The following MYO16 variants were observed in gnomAD, a reference collection of about 807,000 sequenced individuals.
MYO16 encodes myosin XVI, also known as unconventional myosin-XVI.
Under a neutral mutation model 205.3 loss-of-function variants are expected in MYO16, and 94 were observed. That is an observed-to-expected ratio of 0.46 (90% CI 0.39 to 0.54). The LOEUF (loss-of-function observed/expected upper bound fraction) is 0.54, where lower values mean the gene tolerates loss of function less well. MYO16 is among the 20% of genes least tolerant of loss of function. The pLI is 0.00. For missense variants in MYO16, 2,315 were observed against 2,387.5 expected (o/e 0.97, Z 0.63); for synonymous variants, 988 against 954.0 (o/e 1.04, Z -0.66).
intron 27 of MYO16, among the ~76,000 whole-genome samples, chr13:109,071,972 AT>A (rs1887937877): frequency 6.6e-6 from 1 of 152,204 alleles, no homozygotes; most frequent in South Asian, 2.1e-4. Context: ...TGAATTTCAT[AT>A]TTTATAGTTG....
intron 15 of MYO16, 34 bp downstream of exon 15, chr13:108,898,167 T>C (rs1324951707): frequency 1.3e-6 from 2 of 1,536,634 alleles, no homozygotes; most frequent in African/African-American, 2.7e-5. Flanking sequence ...GGATTTCCTG[T>C]GCCGAGCCAG....
chr13:109,002,762 CTCTA>C (rs1410539197), intron 21 of MYO16, among the ~76,000 whole-genome samples: 1 of 152,204 alleles, frequency 6.6e-6, no homozygotes, highest in African/African-American at 2.4e-5. Flanking sequence ...AAAATCTTCA[CTCTA>C]TCTTTCTCTG....
At chr13:108,651,301 G>T (rs558022352) in intron 1 of MYO16, among the ~76,000 whole-genome samples, 3 of 152,150 alleles carry the variant, frequency 2.0e-5, no homozygotes, top group Non-Finnish European at 4.4e-5. Context: ...CTGGACAGCT[G>T]GGTCTACTGG....
intron 4 of MYO16, among the ~76,000 whole-genome samples, chr13:108,736,845 G>A (rs1318992124): frequency 6.6e-6 from 1 of 152,184 alleles, no homozygotes; most frequent in East Asian, 1.9e-4. Flanking sequence ...TCTCCTTGAA[G>A]AGATCCTTCA....
chr13:109,082,138 G>T lies in MYO16; in HGVS notation c.3336-18647G>T, dbSNP rs1229574147. On this transcript the variant is annotated intron_variant, in intron 27 of 34. Coordinates refer to ENST00000457511, the MANE Select transcript of MYO16 (RefSeq NM_001198950.3). ...CTCAACTTGGCATTTGATATTTGTG[G>T]CCTGATAATTCACCATCGTCGTAGA... Among the ~76,000 whole-genome samples the T allele has an allele frequency of 3.3e-5, 5 of 152,078 alleles. 1 individual carries two copies. The East Asian group carries it at 9.6e-4, about 29-fold the overall frequency.
intron 3 of MYO16, among the ~76,000 whole-genome samples, chr13:108,715,255 G>C (rs750175777): frequency 1.3e-5 from 2 of 152,166 alleles, no homozygotes; most frequent in Non-Finnish European, 2.9e-5. Context: ...CCTCTCAGAT[G>C]TACACGGCTC....
chr13:109,026,481 A>G (rs1311283650), intron 23 of MYO16, among the ~76,000 whole-genome samples: 3 of 152,156 alleles, frequency 2.0e-5, no homozygotes, highest in African/African-American at 7.2e-5. Flanking sequence ...GCCAGATTCC[A>G]GAGTGCTGGC....
the MYO16 span, among the ~76,000 whole-genome samples, chr13:108,572,575 C>T: frequency 1.3e-5 from 2 of 152,158 alleles, no homozygotes; most frequent in African/African-American, 4.8e-5. Context: ...TCTAGGAAGA[C>T]AGTGCGTTCT....
At chr13:108,951,121 T>C (rs992072404) in intron 16 of MYO16, among the ~76,000 whole-genome samples, 1 of 152,266 alleles carries the variant, frequency 6.6e-6, no homozygotes, top group Middle Eastern at 3.4e-3. Context: ...CGTAATACTT[T>C]TTGATATTTA....
At chr13:108,606,186 A>G (rs1256619745) in intron 1 of MYO16, among the ~76,000 whole-genome samples, 3 of 152,204 alleles carry the variant, frequency 2.0e-5, no homozygotes, top group Non-Finnish European at 2.9e-5. Flanking sequence ...GTGATAGAAA[A>G]GAAAAATCAA....
At chr13:108,629,434 T>C (rs1879872491), upstream of MYO16, 1 of 163,688 alleles carries the variant, frequency 6.1e-6, no homozygotes, top group Admixed American at 6.3e-5. Context: ...TCAGCTTAGT[T>C]TGCTGCCATT....
chr13:108,626,281 G>A (rs1057410953), upstream of MYO16, among the ~76,000 whole-genome samples: 12 of 152,086 alleles, frequency 7.9e-5, no homozygotes, highest in African/African-American at 2.2e-4. Context: ...TTATGCATTC[G>A]TATTTGGAAA....
chr13:108,971,418 T>A (rs1049222482), intron 20 of MYO16, among the ~76,000 whole-genome samples: 2 of 146,826 alleles, frequency 1.4e-5, no homozygotes, highest in African/African-American at 2.4e-5. Flanking sequence ...TCTATATCTG[T>A]CTATCTATCT....
At chr13:108,956,359 G>A (rs538307263) in intron 16 of MYO16, among the ~76,000 whole-genome samples, 1 of 151,908 alleles carries the variant, frequency 6.6e-6, no homozygotes, top group Non-Finnish European at 1.5e-5. Flanking sequence ...ACCACTGCTG[G>A]CCTCTCACTG....
chr13:108,700,800 G>A (rs929666376), intron 2 of MYO16, among the ~76,000 whole-genome samples: 2 of 152,118 alleles, frequency 1.3e-5, no homozygotes, highest in Non-Finnish European at 2.9e-5. Context: ...AGAGTACTTC[G>A]AAAAACTGCA....
intron 4 of MYO16, among the ~76,000 whole-genome samples, chr13:108,741,124 G>A (rs892547984): frequency 6.6e-6 from 1 of 152,082 alleles, no homozygotes; most frequent in African/African-American, 2.4e-5. Context: ...CTTACTCGGT[G>A]GGCTTCACCC....
chr13:108,497,050 G>A, the MYO16 span, among the ~76,000 whole-genome samples: 2 of 152,124 alleles, frequency 1.3e-5, no homozygotes, highest in South Asian at 4.1e-4. Context: ...GTGTTCTTGG[G>A]ACTATTTCTG....
intron 27 of MYO16, among the ~76,000 whole-genome samples, chr13:109,061,468 C>T (rs1308749977): frequency 6.6e-6 from 1 of 152,058 alleles, no homozygotes; most frequent in Non-Finnish European, 1.5e-5. Flanking sequence ...GTGACCATTG[C>T]AAGTTTATTA....
the MYO16 span, among the ~76,000 whole-genome samples, chr13:108,528,833 A>G: frequency 2.7e-5 from 4 of 146,922 alleles, no homozygotes; most frequent in Admixed American, 2.8e-4. Context: ...TCAGCTTTTG[A>G]CGATGTGAGA....
Sources: gnomAD v4.1 joint callset for allele counts (sites outside exome capture counted in the v4.1 genomes callset) on GRCh38, gnomAD v4.1.1 for gene constraint, MANE v1.5 for transcripts, NCBI Gene and HGNC (gene_info 2026-07-23, HGNC 2026-07-21) for gene names.